The following ZFC3H1 variants were observed in gnomAD, a reference collection of about 807,000 sequenced individuals.
ZFC3H1 encodes zinc finger C3H1-type containing, also known as zinc finger C3H1 domain-containing protein.
Under a neutral mutation model 243.7 loss-of-function variants are expected in ZFC3H1, and 71 were observed. That is an observed-to-expected ratio of 0.29 (90% CI 0.24 to 0.36). The LOEUF is 0.36. Among genes scored for constraint, ZFC3H1 ranks in the 10% least tolerant of loss-of-function variants. ZFC3H1 has a pLI of 1.00. For missense variants in ZFC3H1, 1,966 were observed against 2,317.1 expected (o/e 0.85, Z 3.11); for synonymous variants, 838 against 813.0 (o/e 1.03, Z -0.52).
rs1452552944 is a variant in ZFC3H1 at position 71,609,745 on chromosome 12, G to A, written c.*683C>T. 6.6e-6 allele frequency: 1 copy of A among 152,414 alleles called. No homozygotes were observed. Among genetic ancestry groups the A allele is most frequent in the Non-Finnish European group, 1.5e-5 (1 of 67,970 alleles). 9.4% of individuals were successfully genotyped at this position (152,414 alleles called of 1,614,324 possible). On this transcript the variant is annotated 3_prime_UTR_variant, in exon 35 of 35. Transcript: ENST00000378743. ...ATTAAAATTTCTTTACAAAAAAATTGCACATAATATTTGACCACTCTTAGG... is the reference window on the plus strand; with the variant it reads ...ATTAAAATTTCTTTACAAAAAAATTACACATAATATTTGACCACTCTTAGG...
chr12:71,611,954 G>A (rs1879785113), intron 31 of ZFC3H1, 67 bp from the exon 32 acceptor site: 19 of 895,786 alleles, frequency 2.1e-5, no homozygotes, highest in Non-Finnish European at 3.0e-5. Flanking sequence ...TGTGCTCTAT[G>A]AGCACAATGA....
In ZFC3H1 at chr12:71,635,498, T is replaced by C. The variant is rs1201822195; in HGVS notation, c.2183A>G (p.Asn728Ser). ...GGACTCTAATCCACCAAAAACACTATTTGTTGACTTGGAAGCCTCTCCATC... is the reference window on the plus strand; with the variant it reads ...GGACTCTAATCCACCAAAAACACTACTTGTTGACTTGGAAGCCTCTCCATC... ...ESDGEASKST[N>S]SVFGGLESMI... Residue 728 changes from asparagine to serine, a missense_variant, in exon 10 of 35, where the codon AAT becomes AGT. Coordinates refer to ENST00000378743, the MANE Select transcript of ZFC3H1 (RefSeq NM_144982.5). The C allele has an allele frequency of 1.9e-6, 3 of 1,576,918 alleles. No homozygotes were observed. The highest frequency in any genetic ancestry group is 1.7e-4 in the Middle Eastern group (1 of 6,004).
At chr12:71,651,306 T>G (rs537277255) in intron 2 of ZFC3H1, among the ~76,000 whole-genome samples, 2 of 152,194 alleles carry the variant, frequency 1.3e-5, no homozygotes, top group African/African-American at 4.8e-5. Flanking sequence ...CACCTTCAAA[T>G]AGACACCATG....
chr12:71,662,535 CAAGAT>C (rs1217612318), intron 1 of ZFC3H1, among the ~76,000 whole-genome samples: 1 of 131,188 alleles, frequency 7.6e-6, no homozygotes, highest in Non-Finnish European at 1.6e-5. Context: ...CGGAATAAAT[CAAGAT>C]AAAAACAGAA....
At chr12:71,656,592 G>A in intron 2 of ZFC3H1, 2 of 627,244 alleles carry the variant, frequency 3.2e-6, no homozygotes, top group Non-Finnish European at 2.8e-6. Context: ...CATATTTAAT[G>A]GTAAATGTCA....
At chr12:71,627,015 C>T (rs1880186550) in intron 21 of ZFC3H1, among the ~76,000 whole-genome samples, 1 of 151,992 alleles carries the variant, frequency 6.6e-6, no homozygotes, top group Non-Finnish European at 1.5e-5. Flanking sequence ...GGAAATGACA[C>T]ACAGGAAAGT....
intron 2 of ZFC3H1, among the ~76,000 whole-genome samples, chr12:71,654,477 T>C (rs914695020): frequency 1.3e-5 from 2 of 152,166 alleles, no homozygotes; most frequent in African/African-American, 4.8e-5. Flanking sequence ...TATACATATA[T>C]AATTCCAGAC....
chr12:71,617,929 T>C (rs1278377129), intron 27 of ZFC3H1, among the ~76,000 whole-genome samples: 1 of 152,018 alleles, frequency 6.6e-6, no homozygotes, highest in Non-Finnish European at 1.5e-5. Flanking sequence ...TGGGAGGGAA[T>C]AGTGTCCCCA....
chr12:71,640,730 T>C (rs931476992), intron 6 of ZFC3H1, among the ~76,000 whole-genome samples: 1 of 152,238 alleles, frequency 6.6e-6, no homozygotes, highest in Non-Finnish European at 1.5e-5. Context: ...CCCATCATTT[T>C]AGTATTCTGA....
At position 71,632,451 on chromosome 12, in the gene ZFC3H1, G is replaced by A; in HGVS notation, c.2881C>T (p.Leu961=). 1 of 1,604,060 alleles carries A rather than the reference G, an allele frequency of 6.2e-7. No homozygotes were observed. Among genetic ancestry groups the A allele is most frequent in the South Asian group, 1.1e-5 (1 of 90,620 alleles). Reference sequence around the variant, plus strand: ...AACCGTCTTTTCTCCATAGCAATTAGTTCTGCTGAATGCTTTCTTGGACTT... The same window carrying A: ...AACCGTCTTTTCTCCATAGCAATTAATTCTGCTGAATGCTTTCTTGGACTT... The part of the protein sequence containing the change: ...VSSPRKHSAE[L]IAMEKRRLQK... Residue 961 remains leucine (L), a synonymous_variant, in exon 15 of 35, where the codon CTA becomes TTA. Transcript: ENST00000378743.
chr12:71,641,271 CATAAT>C (rs947344328), intron 6 of ZFC3H1, among the ~76,000 whole-genome samples: 2 of 152,194 alleles, frequency 1.3e-5, no homozygotes, highest in African/African-American at 4.8e-5. Flanking sequence ...GTTATCAAAA[CATAAT>C]ATAAGACTAT....
At position 71,630,646 on chromosome 12, in the gene ZFC3H1, A is replaced by C; in HGVS notation, c.3678T>G (p.Ile1226Met). 1 of 1,613,718 alleles carries C rather than the reference A, an allele frequency of 6.2e-7. No individual in the cohort carries two copies. The highest frequency in any genetic ancestry group is 1.1e-5 in the South Asian group (1 of 91,062). ...QDILSYNLSL[I>M]GCAETSTNEE... is the part of the protein sequence containing the mutation. ...CATTAGTACTTGTCTCTGCACAACC[A>C]ATCAAAGACAGATTATATGACAGAA... Residue 1226 changes from isoleucine (I) to methionine (M), a missense_variant, in exon 18 of 35, where the codon ATT (isoleucine) becomes ATG (methionine). Physicochemically the swap from Ile to Met is conservative, Grantham distance 10 (BLOSUM62 1). Transcript: ENST00000378743.
At chr12:71,646,888 C>G (rs17110086) in intron 3 of ZFC3H1, among the ~76,000 whole-genome samples, 4,709 of 152,312 alleles carry the variant, frequency 0.031, 267 homozygotes, top group African/African-American at 0.11. Context: ...TCCCACTAGT[C>G]AGACAAGCTC....
At chr12:71,647,338 C>T (rs1880753653) in intron 3 of ZFC3H1, among the ~76,000 whole-genome samples, 1 of 152,000 alleles carries the variant, frequency 6.6e-6, no homozygotes, top group South Asian at 2.1e-4. Flanking sequence ...TAGAAGCAAG[C>T]AAAGGCTAAA....
chr12:71,628,861 TA>T (rs1042559689), intron 20 of ZFC3H1, 56 bp downstream of exon 20: 30 of 1,508,798 alleles, frequency 2.0e-5, no homozygotes, highest in Non-Finnish European at 2.6e-5. Context: ...AAGTGTTAAA[TA>T]AAGATGGAAC....
Position 71,634,821 on chromosome 12 carries a change from G to A in ZFC3H1, c.2243C>T (p.Ala748Val). Residue 748 changes from alanine (A) to valine (V), a missense_variant, in exon 11 of 35, where the codon GCT (alanine) becomes GTT (valine). By Grantham distance (64) the Ala-to-Val change is moderately conservative. Coordinates refer to ENST00000378743, the MANE Select transcript of ZFC3H1 (RefSeq NM_144982.5). ...IKEARRTAEQ[A>V]SKPKVPPKSE... ...TTTTGGAGGTACTTTCGGTTTTGAA[G>A]CTTGCTAAAAAAAAAAAAACATTTG... 2.0e-6 allele frequency: 3 copies of A among 1,534,230 alleles called. No homozygotes were observed. Among genetic ancestry groups the A allele is most frequent in the Non-Finnish European group, 1.7e-6 (2 of 1,144,486 alleles).
chr12:71,634,307 A>T lies in ZFC3H1; in HGVS notation c.2361-3T>A. ...TAATCAAACGCTGTTTCTCACGGCTAAAATTATCAAAAAGGATATATGCAT... is the reference window on the plus strand; with the variant it reads ...TAATCAAACGCTGTTTCTCACGGCTTAAATTATCAAAAAGGATATATGCAT... On this transcript the variant is annotated splice_region_variant and splice_polypyrimidine_tract_variant and intron_variant, in intron 11 of 34. Transcript: ENST00000378743. 1 of 1,611,884 alleles carries T rather than the reference A, an allele frequency of 6.2e-7. No homozygotes were observed. The highest frequency in any genetic ancestry group is 8.5e-7 in the Non-Finnish European group (1 of 1,179,288).
chr12:71,611,102 G>GATA lies in ZFC3H1; in HGVS notation c.5730-6_5730-5insTAT. ...ACAATCTCAGCAGCAATGGCTCTAA[G>GATA]AGAAAAAAAAAAAAAAAGAAATATA... On this transcript the variant is annotated splice_polypyrimidine_tract_variant and splice_region_variant and intron_variant, in intron 32 of 34. Coordinates refer to ENST00000378743, the MANE Select transcript of ZFC3H1 (RefSeq NM_144982.5). 1 of 1,111,490 alleles carries GATA rather than the reference G, an allele frequency of 9.0e-7. No individual in the cohort carries two copies. Among genetic ancestry groups the GATA allele is most frequent in the Non-Finnish European group, 1.2e-6 (1 of 852,702 alleles). 68.9% of individuals were successfully genotyped at this position (1,111,490 alleles called of 1,614,324 possible).
intron 18 of ZFC3H1, among the ~76,000 whole-genome samples, chr12:71,630,178 C>T (rs891549248): frequency 9.9e-5 from 15 of 152,214 alleles, no homozygotes; most frequent in African/African-American, 2.9e-4. Context: ...CAACAGCCAT[C>T]GTAATTTCCA....
Sources: allele counts gnomAD v4.1 joint callset (sites outside exome capture counted in the v4.1 genomes callset), GRCh38; gene constraint gnomAD v4.1.1; transcripts MANE v1.5; gene names NCBI Gene and HGNC (gene_info 2026-07-23, HGNC 2026-07-21).